Variants in KIAA1217 observed in about 807,000 individuals in gnomAD.
KIAA1217 encodes the protein sickle tail protein homolog.
In KIAA1217, 88 loss-of-function variants were observed where a neutral mutation model predicts 163.9. That is an observed-to-expected ratio of 0.54 (90% CI 0.45 to 0.64). KIAA1217 has a LOEUF of 0.64. KIAA1217 is among the 30% of genes least tolerant of loss of function. KIAA1217 has a pLI of 0.00. For missense variants in KIAA1217, 2,372 were observed against 2,475.0 expected (o/e 0.96, Z 0.88); for synonymous variants, 903 against 923.1 (o/e 0.98, Z 0.39).
intron 1 of KIAA1217, among the ~76,000 whole-genome samples, chr10:23,894,287 C>A (rs1841572860): frequency 6.6e-6 from 1 of 152,004 alleles, no homozygotes; most frequent in Non-Finnish European, 1.5e-5. Flanking sequence ...GCAACTTCAG[C>A]AAAGTCTCAG....
chr10:24,144,583 C>T (rs2064223095), intron 2 of KIAA1217, among the ~76,000 whole-genome samples: 1 of 152,068 alleles, frequency 6.6e-6, no homozygotes, highest in Non-Finnish European at 1.5e-5. Context: ...ATTAGGGAAT[C>T]CTGCTATAAG....
intron 2 of KIAA1217, among the ~76,000 whole-genome samples, chr10:24,351,867 G>T (rs1028146740): frequency 6.6e-6 from 1 of 152,156 alleles, no homozygotes; most frequent in Non-Finnish European, 1.5e-5. Flanking sequence ...TGGGCTCCCA[G>T]TTCCCCTAAC....
At chr10:24,429,863 CCAGA>C (rs2059450888) in intron 3 of KIAA1217, among the ~76,000 whole-genome samples, 1 of 152,096 alleles carries the variant, frequency 6.6e-6, no homozygotes, top group East Asian at 1.9e-4. Context: ...GTTTGTCAGG[CCAGA>C]CATGGTAGCT....
chr10:24,100,552 A>T (rs2062372466), intron 2 of KIAA1217, among the ~76,000 whole-genome samples: 1 of 152,074 alleles, frequency 6.6e-6, no homozygotes, highest in Admixed American at 6.6e-5. Flanking sequence ...GTGCTTTCTC[A>T]CTCTGTGTCT....
intron 1 of KIAA1217, among the ~76,000 whole-genome samples, chr10:23,948,968 G>T (rs933096241): frequency 6.6e-6 from 1 of 152,060 alleles, no homozygotes; most frequent in African/African-American, 2.4e-5. Flanking sequence ...CTGCTAAACT[G>T]TGAGCCCTCA....
intron 1 of KIAA1217, among the ~76,000 whole-genome samples, chr10:23,905,075 T>G (rs1336178877): frequency 6.7e-6 from 1 of 149,612 alleles, no homozygotes; most frequent in Non-Finnish European, 1.5e-5. Flanking sequence ...TTTTTTTTTT[T>G]TTTTTTTTTT....
chr10:23,782,664 C>T (rs1199686068), intron 1 of KIAA1217, among the ~76,000 whole-genome samples: 1 of 152,130 alleles, frequency 6.6e-6, no homozygotes, highest in Non-Finnish European at 1.5e-5. Flanking sequence ...AACTCTTTAC[C>T]TCATGTGAGC....
At chr10:24,177,195 G>A (rs1263296377) in intron 2 of KIAA1217, among the ~76,000 whole-genome samples, 3 of 145,564 alleles carry the variant, frequency 2.1e-5, no homozygotes, top group East Asian at 2.1e-4. Context: ...CAGAGTGGAC[G>A]CCAAGCCTGA....
At position 24,313,610 on chromosome 10, in the gene KIAA1217, G is replaced by C. The variant is rs148251792; in HGVS notation, c.355-67259G>C. On this transcript the variant is annotated intron_variant, in intron 2 of 20. Transcript: ENST00000376454. The stretch of plus-strand genomic sequence containing the variant: ...TCACGCGGGATGTCCTTCTGCAGAG[G>C]GGGATGGTTTTAGATAATGACTGTT... Among the ~76,000 whole-genome samples, 355 of 152,246 alleles carry C rather than the reference G, an allele frequency of 2.3e-3. 1 individual carries two copies. Among genetic ancestry groups the C allele is most frequent in the African/African-American group, 8.1e-3 (337 of 41,546 alleles).
intron 1 of KIAA1217, among the ~76,000 whole-genome samples, chr10:23,767,071 G>A (rs1297049463): frequency 6.6e-6 from 1 of 152,210 alleles, no homozygotes; most frequent in Admixed American, 6.5e-5. Context: ...GGGACACAGA[G>A]AAACAGTGAA....
chr10:23,742,187 C>A (rs944107328), intron 1 of KIAA1217, among the ~76,000 whole-genome samples: 15 of 151,726 alleles, frequency 9.9e-5, no homozygotes, highest in African/African-American at 2.9e-4. Context: ...TGATAAATAT[C>A]AAAAAATGCA....
rs1008838707 is a variant in KIAA1217 at position 24,335,979 on chromosome 10, G to C, written c.355-44890G>C. On this transcript the variant is annotated intron_variant, in intron 2 of 20. Coordinates refer to ENST00000376454, the MANE Select transcript of KIAA1217 (RefSeq NM_019590.5). The stretch of plus-strand genomic sequence containing the variant: ...GCTCAGGCCAGGCACAGTGGCTCAC[G>C]CCTGTAATCCCAGCACTTTGGGAGG... Among the ~76,000 whole-genome samples the C allele has an allele frequency of 2.6e-5, 4 of 152,340 alleles. No individual in the cohort carries two copies. In the East Asian group the frequency reaches 7.7e-4, roughly 29 times the overall value.
At chr10:24,104,057 A>G (rs1241950066) in intron 2 of KIAA1217, among the ~76,000 whole-genome samples, 1 of 152,088 alleles carries the variant, frequency 6.6e-6, no homozygotes, top group East Asian at 1.9e-4. Flanking sequence ...TTCATTCATT[A>G]CTGGTGGGAA....
At chr10:23,823,982 G>A (rs1564453062) in intron 1 of KIAA1217, among the ~76,000 whole-genome samples, 1 of 151,964 alleles carries the variant, frequency 6.6e-6, no homozygotes, top group Admixed American at 6.6e-5. Context: ...GATGAAAGAG[G>A]AGGGACACAC....
intron 2 of KIAA1217, among the ~76,000 whole-genome samples, chr10:24,265,089 C>T (rs985816793): frequency 6.6e-6 from 1 of 152,122 alleles, no homozygotes; most frequent in Non-Finnish European, 1.5e-5. Context: ...GTCTCGAACT[C>T]CTGGGCTCAA....
At chr10:24,525,903 T>A (rs2072080135) in intron 13 of KIAA1217, among the ~76,000 whole-genome samples, 1 of 152,106 alleles carries the variant, frequency 6.6e-6, no homozygotes, top group African/African-American at 2.4e-5. Flanking sequence ...GGTGGGTGGA[T>A]CACCCAGGCC....
intron 1 of KIAA1217, among the ~76,000 whole-genome samples, chr10:23,869,951 A>T (rs1442518993): frequency 6.6e-6 from 1 of 152,184 alleles, no homozygotes; most frequent in Non-Finnish European, 1.5e-5. Context: ...AAACTGTAGT[A>T]AATAATTTTC....
intron 1 of KIAA1217, among the ~76,000 whole-genome samples, chr10:23,846,233 A>G (rs1488254697): frequency 1.3e-5 from 2 of 152,086 alleles, no homozygotes; most frequent in South Asian, 2.1e-4. Context: ...TGGGTTGCAT[A>G]TGAAGTTTAA....
chr10:24,049,345 T>A (rs1032189587), intron 2 of KIAA1217, among the ~76,000 whole-genome samples: 4 of 152,176 alleles, frequency 2.6e-5, no homozygotes, highest in Non-Finnish European at 4.4e-5. Context: ...GTCTCCGAGT[T>A]TTACAGTGGC....
Sources: allele counts gnomAD v4.1 joint callset (sites outside exome capture counted in the v4.1 genomes callset), GRCh38; gene constraint gnomAD v4.1.1; transcripts MANE v1.5; gene names NCBI Gene and HGNC (gene_info 2026-07-23, HGNC 2026-07-21).